Variants in SNTB1 observed in about 807,000 individuals in gnomAD.
The protein encoded by SNTB1 is syntrophin beta 1, also known as beta-1-syntrophin.
In SNTB1, 36 loss-of-function variants were observed where a neutral mutation model predicts 48.9. That is an observed-to-expected ratio of 0.74 (90% CI 0.56 to 0.97). The LOEUF (loss-of-function observed/expected upper bound fraction) is 0.97. Among genes scored for constraint, SNTB1 ranks in the 50% least tolerant of loss-of-function variants. The pLI, the probability that SNTB1 is intolerant of heterozygous loss-of-function variation, is 0.00. For missense variants in SNTB1, 786 were observed against 703.4 expected (o/e 1.12, Z -1.33); for synonymous variants, 299 against 294.6 (o/e 1.01, Z -0.15).
At chr8:120,540,726 C>A (rs932666568) in intron 6 of SNTB1, among the ~76,000 whole-genome samples, 2 of 152,078 alleles carry the variant, frequency 1.3e-5, no homozygotes, top group African/African-American at 4.8e-5. Flanking sequence ...AAATGCTTGG[C>A]TAGAAATAAC....
chr8:120,547,237 T>C (rs1056053883), intron 5 of SNTB1, among the ~76,000 whole-genome samples: 1 of 152,340 alleles, frequency 6.6e-6, no homozygotes, highest in East Asian at 1.9e-4. Context: ...TCTATTCTAC[T>C]TTATTTCATT....
chr8:120,690,233 G>A (rs1818102009), intron 2 of SNTB1, among the ~76,000 whole-genome samples: 1 of 151,880 alleles, frequency 6.6e-6, no homozygotes, highest in Non-Finnish European at 1.5e-5. Flanking sequence ...TGTATGTATA[G>A]GAAAAACACA....
intron 1 of SNTB1, chr8:120,765,704 C>A (rs998847836): frequency 1.3e-5 from 2 of 152,162 alleles, no homozygotes; most frequent in Admixed American, 6.5e-5. Flanking sequence ...AAACACTACC[C>A]ACTAGGTCCC....
chr8:120,701,814 G>A (rs1227237630), intron 1 of SNTB1, among the ~76,000 whole-genome samples: 3 of 152,212 alleles, frequency 2.0e-5, no homozygotes, highest in East Asian at 3.8e-4. Flanking sequence ...GTCATAGGAC[G>A]TTCTTGGAGA....
At chr8:120,799,732 T>C (rs896546711) in intron 1 of SNTB1, among the ~76,000 whole-genome samples, 2 of 151,962 alleles carry the variant, frequency 1.3e-5, no homozygotes, top group Non-Finnish European at 2.9e-5. Context: ...GGTCCCAATT[T>C]TCTGGGTAAA....
intron 3 of SNTB1, among the ~76,000 whole-genome samples, chr8:120,629,011 C>T (rs755683807): frequency 1.3e-5 from 2 of 152,086 alleles, no homozygotes; most frequent in Non-Finnish European, 2.9e-5. Context: ...CTTCCACAAT[C>T]AAGTTCCAGT....
At chr8:120,591,293 C>T (rs1344185979) in intron 3 of SNTB1, among the ~76,000 whole-genome samples, 1 of 152,102 alleles carries the variant, frequency 6.6e-6, no homozygotes, top group Non-Finnish European at 1.5e-5. Flanking sequence ...TTATGTGTTC[C>T]TCATTTACCA....
At chr8:120,566,500 C>A (rs1815751417) in intron 4 of SNTB1, among the ~76,000 whole-genome samples, 1 of 152,052 alleles carries the variant, frequency 6.6e-6, no homozygotes, top group South Asian at 2.1e-4. Flanking sequence ...ACTTCCCAGT[C>A]TCCAGAACTG....
intron 1 of SNTB1, among the ~76,000 whole-genome samples, chr8:120,756,429 C>G (rs116902256): frequency 6.6e-6 from 1 of 152,046 alleles, no homozygotes; most frequent in East Asian, 1.9e-4. Flanking sequence ...ACTGGGGTAA[C>G]GATGTGATAA....
chr8:120,779,352 A>C (rs1375864533), intron 1 of SNTB1, among the ~76,000 whole-genome samples: 1 of 152,040 alleles, frequency 6.6e-6, no homozygotes, highest in Non-Finnish European at 1.5e-5. Flanking sequence ...AAAATACAAA[A>C]ATTAGCTGAG....
intron 3 of SNTB1, among the ~76,000 whole-genome samples, chr8:120,621,359 G>A (rs971153260): frequency 3.9e-5 from 6 of 152,210 alleles, no homozygotes; most frequent in African/African-American, 1.4e-4. Flanking sequence ...GCAGTAAAGT[G>A]TCTAGGGAAC....
intron 3 of SNTB1, among the ~76,000 whole-genome samples, chr8:120,594,929 T>G (rs1477160017): frequency 6.6e-6 from 1 of 151,982 alleles, no homozygotes; most frequent in East Asian, 1.9e-4. Context: ...TGTACTTAAT[T>G]GAACCATACA....
intron 2 of SNTB1, among the ~76,000 whole-genome samples, chr8:120,642,595 C>T (rs1817215193): frequency 6.6e-6 from 1 of 152,136 alleles, no homozygotes; most frequent in Non-Finnish European, 1.5e-5. Context: ...TACTGACTAA[C>T]AAATTCCCCC....
chr8:120,794,230 T>C (rs1428138769), intron 1 of SNTB1, among the ~76,000 whole-genome samples: 2 of 152,028 alleles, frequency 1.3e-5, no homozygotes, highest in Admixed American at 1.3e-4. Context: ...CACAATCCAG[T>C]AACTTGGAAT....
chr8:120,559,923 T>G (rs1398482811), intron 4 of SNTB1, among the ~76,000 whole-genome samples: 1 of 129,490 alleles, frequency 7.7e-6, no homozygotes, highest in South Asian at 2.5e-4. Context: ...GATGCCACAA[T>G]GCAAGCCACA....
intron 1 of SNTB1, among the ~76,000 whole-genome samples, chr8:120,715,000 G>A (rs1385419067): frequency 1.3e-5 from 2 of 152,184 alleles, no homozygotes; most frequent in African/African-American, 4.8e-5. Flanking sequence ...CTACATAATA[G>A]CACAAATTGG....
chr8:120,745,060 G>A (rs373132440), intron 1 of SNTB1, among the ~76,000 whole-genome samples: 2 of 151,686 alleles, frequency 1.3e-5, no homozygotes, highest in South Asian at 2.1e-4. Context: ...ATTTGGTGCA[G>A]ACATTAGGAC....
chr8:120,554,373 A>C (rs1215481903), intron 4 of SNTB1, among the ~76,000 whole-genome samples: 1 of 152,180 alleles, frequency 6.6e-6, no homozygotes, highest in Non-Finnish European at 1.5e-5. Flanking sequence ...TGAGTGAAGA[A>C]ATGCATACAA....
intron 4 of SNTB1, chr8:120,571,506 T>G (rs1815850074): frequency 3.3e-6 from 1 of 304,586 alleles, no homozygotes; most frequent in South Asian, 2.5e-5. Context: ...TTTTTTTTTT[T>G]TTTTTTTTTG....
Sources: gnomAD v4.1 joint callset for allele counts (sites outside exome capture counted in the v4.1 genomes callset) on GRCh38, gnomAD v4.1.1 for gene constraint, MANE v1.5 for transcripts, NCBI Gene and HGNC (gene_info 2026-07-23, HGNC 2026-07-21) for gene names.